Variants in BRIP1 observed in about 807,000 individuals in gnomAD.
The protein encoded by BRIP1 is Fanconi anemia group J protein.
Under a neutral mutation model 119.7 loss-of-function variants are expected in BRIP1, and 88 were observed. That is an observed-to-expected ratio of 0.74 (90% confidence interval 0.62 to 0.88). The LOEUF is 0.88. Among genes scored for constraint, BRIP1 ranks in the 40% least tolerant of loss-of-function variants. The probability of loss-of-function intolerance (pLI) is 0.00; values close to 1 mark genes in which losing one functional copy is unlikely to be tolerated. For synonymous variants in BRIP1, 443 were observed against 496.5 expected (o/e 0.89, Z 1.43); for missense variants, 1,259 against 1,455.4 (o/e 0.87, Z 2.20).
At position 61,693,635 on chromosome 17, in the gene BRIP1, T is replaced by C. The variant is rs575802746; in HGVS notation, c.2493-123A>G. The C allele has an allele frequency of 7.4e-4, 598 of 809,552 alleles. 6 individuals are homozygous for C. The African/African-American group carries it at 8.9e-3, about 12-fold the overall frequency. 50.1% of individuals were successfully genotyped at this position (809,552 alleles called of 1,614,324 possible). On this transcript the variant is annotated intron_variant, in intron 17 of 19. Coordinates refer to ENST00000259008, the MANE Select transcript of BRIP1 (RefSeq NM_032043.3). The surrounding 1 kb of genome is among the most constrained non-coding windows in gnomAD (Gnocchi z 4.2). The stretch of plus-strand genomic sequence containing the variant: ...TAGATTCCTTTAAACAATTTGTTAT[T>C]ATCAGAAAAGTTACAGAAGCTATCC...
At chr17:61,782,111 T>C (rs2077630249) in intron 11 of BRIP1, among the ~76,000 whole-genome samples, 1 of 150,588 alleles carries the variant, frequency 6.6e-6, no homozygotes, top group Non-Finnish European at 1.5e-5. Context: ...GGAGACCGGG[T>C]GCGATGGCTC....
chr17:61,717,062 A>G lies in BRIP1; in HGVS notation c.2380-999T>C, dbSNP rs1475511563. Among the ~76,000 whole-genome samples, 1 of 152,036 alleles carries G rather than the reference A, an allele frequency of 6.6e-6. No homozygotes were observed. The highest frequency in any genetic ancestry group is 1.9e-4 in the East Asian group (1 of 5,198). On this transcript the variant is annotated intron_variant, in intron 16 of 19. Coordinates refer to ENST00000259008, the MANE Select transcript of BRIP1 (RefSeq NM_032043.3). The surrounding 1 kb of genome is among the most constrained non-coding windows in gnomAD (Gnocchi z 4.1). The stretch of plus-strand genomic sequence containing the variant: ...TTGATTATGCTTTAAACAGTACATT[A>G]TCTTTTAATTTTAAATAAGTTTATA...
rs1033879040 is a variant in BRIP1, at chr17:61,795,280, T to C, written c.1341-1551A>G. Among the ~76,000 whole-genome samples, 5 of 152,050 alleles carry C rather than the reference T, an allele frequency of 3.3e-5. No individual in the cohort carries two copies. Among genetic ancestry groups the C allele is most frequent in the Non-Finnish European group, 7.4e-5 (5 of 67,982 alleles). ...CTTTTAGTTATTTTTAAATGTACAG[T>C]TAAATCATTATTGACTATAGTCACA... On this transcript the variant is annotated intron_variant, in intron 9 of 19. Transcript: ENST00000259008. The surrounding 1 kb of genome is among the most constrained non-coding windows in gnomAD (Gnocchi z 5.6).
At chr17:61,849,387 A>T in intron 4 of BRIP1, 131 bp from the exon 5 acceptor site, 2 of 746,934 alleles carry the variant, frequency 2.7e-6, no homozygotes, top group Non-Finnish European at 4.3e-6. Flanking sequence ...CATGAAACTT[A>T]AACATGTTTA....
In BRIP1 at chr17:61,831,185, CA is replaced by C. The variant is rs1373713835; in HGVS notation, c.627+15915del. On this transcript the variant is annotated intron_variant, in intron 6 of 19. Transcript: ENST00000259008. This position sits in a 1 kb window ranked among gnomAD's most constrained non-coding sequence, Gnocchi z 4.1. Reference sequence around the variant, plus strand: ...AATGTCATACAGAACAGTGAGGGACCAGAATGTTTTCCACCACAAGGTTGTG... The same window carrying C: ...AATGTCATACAGAACAGTGAGGGACCGAATGTTTTCCACCACAAGGTTGTG... 6.6e-6 allele frequency among the ~76,000 whole-genome samples: 1 copy of C among 152,178 alleles called. No individual in the cohort carries two copies. The highest frequency in any genetic ancestry group is 1.5e-5 in the Non-Finnish European group (1 of 68,038).
intron 10 of BRIP1, among the ~76,000 whole-genome samples, chr17:61,788,471 T>G (rs566387700): frequency 5.6e-4 from 86 of 152,290 alleles, no homozygotes; most frequent in South Asian, 1.0e-3. Context: ...GATTATAAGC[T>G]AATTCTAAAA....
chr17:61,712,764 C>A (rs1481427953), intron 17 of BRIP1, among the ~76,000 whole-genome samples: 2 of 151,774 alleles, frequency 1.3e-5, no homozygotes, highest in Non-Finnish European at 2.9e-5. Context: ...ATTAGCCAGG[C>A]GTGGTGGTGC....
In BRIP1 at chr17:61,706,393, T is replaced by C. The variant is rs975426898; in HGVS notation, c.2492+9558A>G. Reference sequence around the variant, plus strand: ...TAGGACTGAAACGCCCAAACTATTTTTTAAAGTTAATTTTAGCTTTGTAAA... The same window carrying C: ...TAGGACTGAAACGCCCAAACTATTTCTTAAAGTTAATTTTAGCTTTGTAAA... On this transcript the variant is annotated intron_variant, in intron 17 of 19. Transcript: ENST00000259008. This position sits in a 1 kb window ranked among gnomAD's most constrained non-coding sequence, Gnocchi z 5.7. Among the ~76,000 whole-genome samples the C allele has an allele frequency of 1.6e-4, 24 of 152,188 alleles. No homozygotes were observed. The highest frequency in any genetic ancestry group is 5.8e-4 in the African/African-American group (24 of 41,468).
chr17:61,790,889 A>C (rs1446164293), intron 10 of BRIP1, among the ~76,000 whole-genome samples: 1 of 152,088 alleles, frequency 6.6e-6, no homozygotes, highest in African/African-American at 2.4e-5. Flanking sequence ...AGCCTGTCAA[A>C]GTGTAGGATT....
Position 61,774,371 on chromosome 17 carries a change from T to A in BRIP1, c.2097+2030A>T, listed in dbSNP as rs2077503139. ...AACACCGCATGTTCTCACTCATAGG[T>A]GGGAATTGAACAATGAGAACATGTG... is the stretch of plus-strand genomic sequence containing the variant. On this transcript the variant is annotated intron_variant, in intron 14 of 19. Transcript: ENST00000259008. This position sits in a 1 kb window ranked among gnomAD's most constrained non-coding sequence, Gnocchi z 5.8. Among the ~76,000 whole-genome samples, 1 of 151,876 alleles carries A rather than the reference T, an allele frequency of 6.6e-6. No individual in the cohort carries two copies. The highest frequency in any genetic ancestry group is 1.5e-5 in the Non-Finnish European group (1 of 67,956).
chr17:61,857,009 TA>T lies in BRIP1; in HGVS notation c.379+48del. 3 of 1,529,052 alleles carry T rather than the reference TA, an allele frequency of 2.0e-6. No individual in the cohort carries two copies. The South Asian group carries it at 3.4e-5, about 17-fold the overall frequency. 94.7% of individuals were successfully genotyped at this position (1,529,052 alleles called of 1,614,324 possible). ...AATTAGGGCTTATAACAGTAATAAT[TA>T]AGACTCTTATTACAGATATCAACTG... On this transcript the variant is annotated intron_variant, in intron 4 of 19. Coordinates refer to ENST00000259008, the MANE Select transcript of BRIP1 (RefSeq NM_032043.3). The surrounding 1 kb of genome is among the most constrained non-coding windows in gnomAD (Gnocchi z 5.1).
chr17:61,711,223 TG>T (rs1330234261), intron 17 of BRIP1, among the ~76,000 whole-genome samples: 3 of 152,080 alleles, frequency 2.0e-5, no homozygotes, highest in African/African-American at 7.2e-5. Context: ...CTGTTTCACA[TG>T]GTTTCTTGAA....
In BRIP1 at chr17:61,808,718, G is replaced by A. The variant is rs786201733; in HGVS notation, c.667C>T (p.Gln223Ter). Residue 223 changes from glutamine to a stop codon, truncating the protein, a stop_gained, in exon 7 of 20, where the codon CAA becomes TAA. Transcript: ENST00000259008. LOFTEE classifies it high-confidence loss of function. This position sits in a 1 kb window ranked among gnomAD's most constrained non-coding sequence, Gnocchi z 4.1. Reference sequence around the variant, plus strand: ...TTCGATGACTCTTGACTGTTTCCTTGTTTAGTAGAACAACAGCACCTAGAA... The same window carrying A: ...TTCGATGACTCTTGACTGTTTCCTTATTTAGTAGAACAACAGCACCTAGAA... ...HCSRCCCSTK[Q>*]GNSQESSNTI... 1.2e-6 allele frequency: 2 copies of A among 1,613,652 alleles called. No homozygotes were observed. The highest frequency in any genetic ancestry group is 1.3e-5 in the African/African-American group (1 of 74,988).
rs2077523746 is a variant in BRIP1, at chr17:61,775,825, T to C, written c.2097+576A>G. Reference sequence around the variant, plus strand: ...ATCGACTTGTCCCTAAGAATAAAAATGTACACATAAACACTTCTCCTATAT... The same window carrying C: ...ATCGACTTGTCCCTAAGAATAAAAACGTACACATAAACACTTCTCCTATAT... On this transcript the variant is annotated intron_variant, in intron 14 of 19. Coordinates refer to ENST00000259008, the MANE Select transcript of BRIP1 (RefSeq NM_032043.3). This position sits in a 1 kb window ranked among gnomAD's most constrained non-coding sequence, Gnocchi z 4.4. 1 of 152,422 alleles carries C rather than the reference T, an allele frequency of 6.6e-6. No individual in the cohort carries two copies. The highest frequency in any genetic ancestry group is 1.5e-5 in the Non-Finnish European group (1 of 68,128). 9.4% of individuals were successfully genotyped at this position (152,422 alleles called of 1,614,324 possible). A position where few individuals can be genotyped will look rare whatever the true frequency, so the allele number is the denominator to read the frequency against.
chr17:61,846,600 T>C lies in BRIP1; in HGVS notation c.627+501A>G, dbSNP rs2078736128. 6.6e-6 allele frequency among the ~76,000 whole-genome samples: 1 copy of C among 152,182 alleles called. No homozygotes were observed. The highest frequency in any genetic ancestry group is 2.1e-4 in the South Asian group (1 of 4,832). ...CAGGGTTTCGCCATGTTGCCCAGGC[T>C]GGTTTCAAACTCGTGAACTCAAGTG... On this transcript the variant is annotated intron_variant, in intron 6 of 19. Coordinates refer to ENST00000259008, the MANE Select transcript of BRIP1 (RefSeq NM_032043.3). The surrounding 1 kb of genome is among the most constrained non-coding windows in gnomAD (Gnocchi z 4.3).
At position 61,686,086 on chromosome 17, in the gene BRIP1, G is replaced by A. The variant is rs2061359430; in HGVS notation, c.2655C>T (p.Ser885=). The A allele has an allele frequency of 1.9e-6, 3 of 1,613,898 alleles. No individual in the cohort carries two copies. Among genetic ancestry groups the A allele is most frequent in the African/African-American group, 1.3e-5 (1 of 75,010 alleles). The change falls in exon 19 of 20, where the codon TCC becomes TCT. Residue 885 remains serine (S), a synonymous_variant. Transcript: ENST00000259008. This position sits in a 1 kb window ranked among gnomAD's most constrained non-coding sequence, Gnocchi z 5.4. ...CATTAAGAACTTTTTGATGCTTTTT[G>A]GAAAATTCAGCCAAGGATTCCAGTG... is the stretch of plus-strand genomic sequence containing the variant. The part of the protein sequence containing the change: ...ESALESLAEF[S]KKHQKVLNVS...
At chr17:61,719,659 AG>A (rs1237067342) in intron 16 of BRIP1, among the ~76,000 whole-genome samples, 1 of 151,192 alleles carries the variant, frequency 6.6e-6, no homozygotes, top group Admixed American at 6.6e-5. Flanking sequence ...CAGGAGGCGG[AG>A]GTTGCAGTGA....
At position 61,753,773 on chromosome 17, in the gene BRIP1, GAAC is replaced by G. The variant is rs933732380; in HGVS notation, c.2098-9185_2098-9183del. ...TGCACTGCCATGTCTGGCTTGAAAA[GAAC>G]AACAACAACAACAACAACAAAAAAC... On this transcript the variant is annotated intron_variant, in intron 14 of 19. Transcript: ENST00000259008. The surrounding 1 kb of genome is among the most constrained non-coding windows in gnomAD (Gnocchi z 4.6). Among the ~76,000 whole-genome samples the G allele has an allele frequency of 1.3e-5, 2 of 151,248 alleles. No homozygotes were observed. The highest frequency in any genetic ancestry group is 2.4e-5 in the African/African-American group (1 of 40,934).
At position 61,753,603 on chromosome 17, in the gene BRIP1, AT is replaced by A. The variant is rs573925559; in HGVS notation, c.2098-9013del. Among the ~76,000 whole-genome samples, 640 of 142,788 alleles carry A rather than the reference AT, an allele frequency of 4.5e-3. No homozygotes were observed. Among genetic ancestry groups the A allele is most frequent in the Non-Finnish European group, 4.5e-3 (290 of 64,902 alleles). 93.7% of individuals were successfully genotyped at this position (142,788 alleles called of 152,430 possible). ...AGCAAGAAAATCTTATTTCCTCTCC[AT>A]TTTTTTTTTTTTTTAGAGATGGGAT... On this transcript the variant is annotated intron_variant, in intron 14 of 19. Coordinates refer to ENST00000259008, the MANE Select transcript of BRIP1 (RefSeq NM_032043.3). The surrounding 1 kb of genome is among the most constrained non-coding windows in gnomAD (Gnocchi z 4.6).
Sources: gnomAD v4.1 joint callset for allele counts (sites outside exome capture counted in the v4.1 genomes callset) on GRCh38, gnomAD v4.1.1 for gene constraint, Gnocchi (gnomAD v3.1) non-coding constraint, MANE v1.5 for transcripts, NCBI Gene and HGNC (gene_info 2026-07-23, HGNC 2026-07-21) for gene names.